Variants in OR2V2 observed in about 807,000 individuals in gnomAD.
The protein encoded by OR2V2 is olfactory receptor 2V2.
For synonymous variants in OR2V2, 161 were observed against 151.3 expected, an observed-to-expected ratio of 1.06 and a Z score of -0.47; for missense variants, 392 against 392.2, an observed-to-expected ratio of 1.00 and a Z score of 0.00.
chr5:181,152,573 C>G (rs923331355), intron 1 of OR2V2, among the ~76,000 whole-genome samples: 1 of 152,184 alleles, frequency 6.6e-6, no homozygotes, highest in African/African-American at 2.4e-5. Flanking sequence ...ATTCCCCAAC[C>G]CTAGAGGAAA....
chr5:181,148,401 C>T (rs1026259830), intron 1 of OR2V2, among the ~76,000 whole-genome samples: 28 of 152,070 alleles, frequency 1.8e-4, no homozygotes, highest in African/African-American at 6.5e-4. Context: ...GTCCTCTCAT[C>T]CCCAGGAGAA....
At chr5:181,154,361 G>T (rs541378135) in intron 1 of OR2V2, among the ~76,000 whole-genome samples, 1 of 152,084 alleles carries the variant, frequency 6.6e-6, no homozygotes, top group Non-Finnish European at 1.5e-5. Context: ...AGGCCGAGGC[G>T]GGTGGATCAC....
intron 1 of OR2V2, among the ~76,000 whole-genome samples, chr5:181,149,635 A>G (rs767556733): frequency 6.6e-6 from 1 of 152,334 alleles, no homozygotes; most frequent in Non-Finnish European, 1.5e-5. Flanking sequence ...TCACAGGTAT[A>G]CCACAATTAT....
rs6876056 is a variant in OR2V2, at chr5:181,156,079, T to C, written c.*189T>C. ...CTTTCTTTCTTTCTTTCTTTTGTTC[T>C]TTCTTTCGTTCTTTCTTTCTCTTCC... On this transcript the variant is annotated 3_prime_UTR_variant, in exon 2 of 2. Coordinates refer to ENST00000641492, the MANE Select transcript of OR2V2 (RefSeq NM_206880.2). The C allele has an allele frequency of 1.8e-6, 1 of 544,304 alleles. No homozygotes were observed. The highest frequency in any genetic ancestry group is 3.2e-6 in the Non-Finnish European group (1 of 317,406). The allele number at this position is 544,304 out of a possible 1,614,324, so 33.7% of individuals were successfully genotyped here.
At chr5:181,149,258 G>A (rs1763163382) in intron 1 of OR2V2, among the ~76,000 whole-genome samples, 1 of 152,146 alleles carries the variant, frequency 6.6e-6, no homozygotes, top group African/African-American at 2.4e-5. Context: ...GGGTGGATAT[G>A]TTTTGGAAGA....
chr5:181,155,447 T>C lies in OR2V2; in HGVS notation c.505T>C (p.Tyr169His). 1 of 1,614,234 alleles carries C rather than the reference T, an allele frequency of 6.2e-7. No homozygotes were observed. Among genetic ancestry groups the C allele is most frequent in the Middle Eastern group, 1.6e-4 (1 of 6,062 alleles). Reference protein sequence around the residue: ...IQMVVVMNFPYCGLRKVNHFF... With the variant: ...IQMVVVMNFPHCGLRKVNHFF... ...GATGGTGGTAGTAATGAATTTCCCC[T>C]ACTGTGGCTTGAGGAAGGTGAACCA... Residue 169 changes from tyrosine (Y) to histidine (H), a missense_variant, in exon 2 of 2, where the codon TAC becomes CAC. Coordinates refer to ENST00000641492, the MANE Select transcript of OR2V2 (RefSeq NM_206880.2).
At chr5:181,153,198 C>T (rs1246751850) in intron 1 of OR2V2, among the ~76,000 whole-genome samples, 1 of 152,244 alleles carries the variant, frequency 6.6e-6, no homozygotes, top group African/African-American at 2.4e-5. Flanking sequence ...TGATAACAGA[C>T]TCAGAGTCGG....
chr5:181,154,266 G>A (rs888980677), intron 1 of OR2V2, among the ~76,000 whole-genome samples: 34 of 152,078 alleles, frequency 2.2e-4, no homozygotes, highest in African/African-American at 8.2e-4. Flanking sequence ...GTTAAACATT[G>A]TTTCCCAAGT....
chr5:181,148,349 G>A (rs183159828), intron 1 of OR2V2, among the ~76,000 whole-genome samples: 104 of 152,258 alleles, frequency 6.8e-4, no homozygotes, highest in East Asian at 5.2e-3. Context: ...TGGGGAGTGC[G>A]AAGGTGAAGG....
rs1763140039 is a variant in OR2V2 at position 181,147,738 on chromosome 5, T to C, written c.-282T>C. ...CCAGCTCCTTCCCTGAGCCTGTTTC[T>C]CCCTCTGAGAGGAGGCTGTGGTCTG... On this transcript the variant is annotated 5_prime_UTR_variant, in exon 1 of 2. Transcript: ENST00000641492. The C allele has an allele frequency of 5.4e-6, 2 of 368,280 alleles. No homozygotes were observed. The highest frequency in any genetic ancestry group is 9.6e-6 in the Non-Finnish European group (2 of 207,896). The allele number at this position is 368,280 out of a possible 1,614,324, so 22.8% of individuals were successfully genotyped here.
intron 1 of OR2V2, among the ~76,000 whole-genome samples, chr5:181,150,314 G>A (rs1400277496): frequency 2.6e-5 from 4 of 152,164 alleles, no homozygotes; most frequent in African/African-American, 9.7e-5. Flanking sequence ...CTGTGGAATG[G>A]CCTCATTTTG....
In OR2V2 at chr5:181,155,853, A is replaced by T; in HGVS notation, c.911A>T (p.Lys304Met). 6.2e-7 allele frequency: 1 copy of T among 1,614,162 alleles called. No homozygotes were observed. Among genetic ancestry groups the T allele is most frequent in the Non-Finnish European group, 8.5e-7 (1 of 1,180,012 alleles). The change falls in exon 2 of 2, where the codon AAG (lysine) becomes ATG (methionine). Residue 304 changes from lysine (K) to methionine (M), a missense_variant. By Grantham distance (95) the Lys-to-Met change is moderately conservative. Transcript: ENST00000641492. The part of the protein sequence containing the change: ...RNREVMGALR[K>M]GLDRCRIGSQ... ...AGGGAGGTGATGGGGGCACTGAGGAAGGGGCTGGACCGCTGCAGGATCGGC... is the reference window on the plus strand; with the variant it reads ...AGGGAGGTGATGGGGGCACTGAGGATGGGGCTGGACCGCTGCAGGATCGGC...
At chr5:181,154,614 A>G (rs2546425) in intron 1 of OR2V2, among the ~76,000 whole-genome samples, 92,831 of 149,030 alleles carry the variant, frequency 0.62, 29,982 homozygotes, top group African/African-American at 0.8. Context: ...AAGACTCTGT[A>G]TCATATGGTA....
intron 1 of OR2V2, among the ~76,000 whole-genome samples, chr5:181,149,559 G>A (rs1295874884): frequency 6.6e-6 from 1 of 152,198 alleles, no homozygotes; most frequent in Non-Finnish European, 1.5e-5. Context: ...GACTCACATA[G>A]CATTGCACAA....
Position 181,155,961 on chromosome 5 carries a change from T to C in OR2V2, c.*71T>C, listed in dbSNP as rs1763259375. The C allele has an allele frequency of 4.3e-6, 6 of 1,408,584 alleles. No individual in the cohort carries two copies. The highest frequency in any genetic ancestry group is 5.8e-6 in the Non-Finnish European group (6 of 1,039,652). 87.3% of individuals were successfully genotyped at this position (1,408,584 alleles called of 1,614,324 possible). A position where few individuals can be genotyped will look rare whatever the true frequency, so the allele number is the denominator to read the frequency against. ...GATGTCGGGTTAATAATTCTCTCATTTTCAGTCTTGGTTTCCTCGTGAATT... is the reference window on the plus strand; with the variant it reads ...GATGTCGGGTTAATAATTCTCTCATCTTCAGTCTTGGTTTCCTCGTGAATT... On this transcript the variant is annotated 3_prime_UTR_variant, in exon 2 of 2. Transcript: ENST00000641492.
chr5:181,151,529 G>A (rs1763190736), intron 1 of OR2V2, among the ~76,000 whole-genome samples: 1 of 152,222 alleles, frequency 6.6e-6, no homozygotes, highest in Non-Finnish European at 1.5e-5. Flanking sequence ...GGTGGGGTCA[G>A]GTGGGGGCCC....
In OR2V2 at chr5:181,158,086, G is replaced by T. The variant is rs990215151; in HGVS notation, c.*2196G>T. 6.6e-6 allele frequency: 1 copy of T among 152,018 alleles called. No homozygotes were observed. The highest frequency in any genetic ancestry group is 6.6e-5 in the Admixed American group (1 of 15,248). The allele number at this position is 152,018 out of a possible 1,614,324, so 9.4% of individuals were successfully genotyped here. A position where few individuals can be genotyped will look rare whatever the true frequency, so the allele number is the denominator to read the frequency against. Reference sequence around the variant, plus strand: ...GCTTGATGTCCTTAATTCATTTCCCGCACAAGGACCAGGGAATTCCATTGA... The same window carrying T: ...GCTTGATGTCCTTAATTCATTTCCCTCACAAGGACCAGGGAATTCCATTGA... On this transcript the variant is annotated 3_prime_UTR_variant, in exon 2 of 2. Transcript: ENST00000641492.
At chr5:181,154,125 T>C (rs543527049) in intron 1 of OR2V2, among the ~76,000 whole-genome samples, 30 of 152,272 alleles carry the variant, frequency 2.0e-4, no homozygotes, top group African/African-American at 7.0e-4. Flanking sequence ...CTGAACATAA[T>C]AGAGTGGTAA....
rs770540276 is a variant in OR2V2 at position 181,155,827 on chromosome 5, C to G, written c.885C>G (p.Asn295Lys). 1.2e-6 allele frequency: 2 copies of G among 1,614,060 alleles called. No individual in the cohort carries two copies. Among genetic ancestry groups the G allele is most frequent in the Non-Finnish European group, 1.7e-6 (2 of 1,180,036 alleles). The change falls in exon 2 of 2, where the codon AAC becomes AAG. Residue 295 changes from asparagine (N) to lysine (K), a missense_variant. Coordinates refer to ENST00000641492, the MANE Select transcript of OR2V2 (RefSeq NM_206880.2). Reference protein sequence around the residue: ...MLNPLIYSLRNREVMGALRKG... With the variant: ...MLNPLIYSLRKREVMGALRKG... ...ACCCCCTCATTTACAGCTTGAGGAACAGGGAGGTGATGGGGGCACTGAGGA... is the reference window on the plus strand; with the variant it reads ...ACCCCCTCATTTACAGCTTGAGGAAGAGGGAGGTGATGGGGGCACTGAGGA...
Sources: allele counts gnomAD v4.1 joint callset (sites outside exome capture counted in the v4.1 genomes callset), GRCh38; gene constraint gnomAD v4.1.1; transcripts MANE v1.5; gene names NCBI Gene and HGNC (gene_info 2026-07-23, HGNC 2026-07-21).